The following FBXO40 variants were observed in gnomAD, a reference collection of about 807,000 sequenced individuals.
The protein encoded by FBXO40 is F-box protein 40.
FBXO40 carries 50 observed loss-of-function variants against 49.9 expected under a neutral mutation model. The observed-to-expected ratio is 1.00, with a 90% confidence interval of 0.80 to 1.27. The LOEUF (loss-of-function observed/expected upper bound fraction) is 1.27. FBXO40 is among the 50% of genes most tolerant of loss of function. The probability of loss-of-function intolerance (pLI) is 0.00; values close to 1 mark genes in which losing one functional copy is unlikely to be tolerated. For missense variants in FBXO40, 895 were observed against 870.1 expected, an observed-to-expected ratio of 1.03 and a Z score of -0.36; for synonymous variants, 340 against 320.2, an observed-to-expected ratio of 1.06 and a Z score of -0.66.
At chr3:121,595,203 A>G (rs1330175859) in intron 1 of FBXO40, among the ~76,000 whole-genome samples, 1 of 152,184 alleles carries the variant, frequency 6.6e-6, no homozygotes, top group Non-Finnish European at 1.5e-5. Flanking sequence ...AGACTCTGCT[A>G]TAGGTGTCTG....
intron 1 of FBXO40, among the ~76,000 whole-genome samples, chr3:121,618,386 GT>G (rs34900150): frequency 5.8e-4 from 70 of 120,226 alleles, no homozygotes; most frequent in Admixed American, 1.3e-3. Flanking sequence ...TTTCCTTCTT[GT>G]TTTTTTTTTT....
intron 1 of FBXO40, among the ~76,000 whole-genome samples, chr3:121,617,653 T>A (rs2108849761): frequency 6.6e-6 from 1 of 152,066 alleles, no homozygotes; most frequent in African/African-American, 2.4e-5. Context: ...TTCTAGTATT[T>A]GATAATACAG....
chr3:121,627,133 T>C lies in FBXO40; in HGVS notation c.*223T>C, dbSNP rs1427403181. 4.6e-5 allele frequency: 24 copies of C among 524,010 alleles called. No individual in the cohort carries two copies. The Admixed American group carries it at 7.7e-4, about 17-fold the overall frequency. 32.5% of individuals were successfully genotyped at this position (524,010 alleles called of 1,614,324 possible). On this transcript the variant is annotated 3_prime_UTR_variant, in exon 4 of 4. Coordinates refer to ENST00000338040, the MANE Select transcript of FBXO40 (RefSeq NM_016298.4). ...CACATTGATGACTTGTTTCCTTTTT[T>C]CTTTTCTTTTCTTTTCTTTTTTCTT...
At chr3:121,598,064 T>C (rs553717513) in intron 1 of FBXO40, among the ~76,000 whole-genome samples, 1 of 152,238 alleles carries the variant, frequency 6.6e-6, no homozygotes, top group Non-Finnish European at 1.5e-5. Flanking sequence ...TACTTTATAT[T>C]GGGGGTGTCA....
At chr3:121,623,368 T>C in intron 3 of FBXO40, 25 bp downstream of exon 3, 2 of 1,573,888 alleles carry the variant, frequency 1.3e-6, no homozygotes, top group African/African-American at 1.4e-5. Flanking sequence ...ATTTATTGAT[T>C]GACTCATTCA....
chr3:121,621,343 A>T, intron 2 of FBXO40, 90 bp from the exon 3 acceptor site: 2 of 1,175,894 alleles, frequency 1.7e-6, no homozygotes, highest in Non-Finnish European at 1.2e-6. Flanking sequence ...ATAAACAGGA[A>T]ATATGTCAAT....
Position 121,622,797 on chromosome 3 carries a change from C to T in FBXO40, c.1368C>T (p.His456=), listed in dbSNP as rs147462954. The T allele has an allele frequency of 1.9e-4, 305 of 1,614,072 alleles. No homozygotes were observed. The highest frequency in any genetic ancestry group is 2.3e-4 in the Non-Finnish European group (275 of 1,180,038). The change falls in exon 3 of 4, where the codon CAC becomes CAT. Residue 456 remains histidine, a synonymous_variant. Coordinates refer to ENST00000338040, the MANE Select transcript of FBXO40 (RefSeq NM_016298.4). ...CCGCTGCCACCCCAGGGGGACTCCACGTGGAGCTCCACAGCGAGTGTGTGA... is the reference window on the plus strand; with the variant it reads ...CCGCTGCCACCCCAGGGGGACTCCATGTGGAGCTCCACAGCGAGTGTGTGA... The part of the protein sequence containing the change: ...DLTAATPGGL[H]VELHSECVTR...
At chr3:121,613,177 G>A (rs2048977200) in intron 1 of FBXO40, among the ~76,000 whole-genome samples, 1 of 151,988 alleles carries the variant, frequency 6.6e-6, no homozygotes, top group Admixed American at 6.6e-5. Context: ...TAGGTACTGC[G>A]TTCTCCACCA....
In FBXO40 at chr3:121,622,064, T is replaced by C. The variant is rs1295165848; in HGVS notation, c.635T>C (p.Leu212Pro). 6.2e-7 allele frequency: 1 copy of C among 1,614,202 alleles called. No homozygotes were observed. The highest frequency in any genetic ancestry group is 8.5e-7 in the Non-Finnish European group (1 of 1,180,032). The change falls in exon 3 of 4, where the codon CTG (leucine) becomes CCG (proline). Residue 212 changes from leucine to proline, a missense_variant. By Grantham distance (98) the Leu-to-Pro change is moderately conservative (BLOSUM62 -3). Coordinates refer to ENST00000338040, the MANE Select transcript of FBXO40 (RefSeq NM_016298.4). ...GCCAAAACCAAAGAAGGGATGGACC[T>C]GGTCAAGTTTGGCCAGTGGGAAAAT... ...VLAKTKEGMD[L>P]VKFGQWENIF...
intron 1 of FBXO40, among the ~76,000 whole-genome samples, chr3:121,612,458 C>A (rs546957173): frequency 3.5e-4 from 54 of 152,200 alleles, no homozygotes; most frequent in African/African-American, 1.2e-3. Context: ...GACTTTGTTC[C>A]TCCGGAGCAC....
intron 1 of FBXO40, among the ~76,000 whole-genome samples, chr3:121,610,732 C>T (rs1156434433): frequency 6.6e-6 from 1 of 152,124 alleles, no homozygotes; most frequent in Non-Finnish European, 1.5e-5. Flanking sequence ...CTCCGCCTCC[C>T]AGATTCAGGT....
chr3:121,627,231 T>A lies in FBXO40; in HGVS notation c.*321T>A, dbSNP rs771320780. ...CATTTGGAAGATGGGCCCAATTTCT[T>A]AAGTGATGAGAGAGCACGAAATTCC... On this transcript the variant is annotated 3_prime_UTR_variant, in exon 4 of 4. Transcript: ENST00000338040. 2 of 343,274 alleles carry A rather than the reference T, an allele frequency of 5.8e-6. No individual in the cohort carries two copies. The highest frequency in any genetic ancestry group is 1.1e-5 in the Non-Finnish European group (2 of 182,922). The allele number at this position is 343,274 out of a possible 1,614,324, so 21.3% of individuals were successfully genotyped here. A position where few individuals can be genotyped will look rare whatever the true frequency, so the allele number is the denominator to read the frequency against.
rs538636718 is a variant in FBXO40 at position 121,619,946 on chromosome 3, A to G, written c.-30-600A>G. On this transcript the variant is annotated intron_variant, in intron 1 of 3. Transcript: ENST00000338040. ...TGAGAAATTTCATTTCCCTGAAGAC[A>G]GGGCATTTTCTCTTTCACTTGCCAG... Among the ~76,000 whole-genome samples the G allele has an allele frequency of 2.6e-5, 4 of 152,372 alleles. No individual in the cohort carries two copies. In the East Asian group the frequency reaches 7.7e-4, roughly 29 times the overall value.
At chr3:121,618,455 C>G in intron 1 of FBXO40, among the ~76,000 whole-genome samples, 1 of 141,236 alleles carries the variant, frequency 7.1e-6, no homozygotes, top group Non-Finnish European at 1.5e-5. Context: ...GGCGTGATCT[C>G]GATTCACTGC....
chr3:121,609,319 T>C (rs1000336603), intron 1 of FBXO40, among the ~76,000 whole-genome samples: 1 of 151,928 alleles, frequency 6.6e-6, no homozygotes, highest in East Asian at 1.9e-4. Context: ...CTATATCCAG[T>C]AGTTCCTAGG....
At chr3:121,603,933 C>T (rs962517164) in intron 1 of FBXO40, among the ~76,000 whole-genome samples, 4 of 152,190 alleles carry the variant, frequency 2.6e-5, no homozygotes, top group South Asian at 2.1e-4. Context: ...TTAGCCAGGA[C>T]GGTCTCGATC....
chr3:121,600,886 C>T (rs1211115914), intron 1 of FBXO40, among the ~76,000 whole-genome samples: 1 of 152,222 alleles, frequency 6.6e-6, no homozygotes, highest in Non-Finnish European at 1.5e-5. Flanking sequence ...AGGAAAGTCA[C>T]ACAAACCCCA....
Position 121,623,126 on chromosome 3 carries a change from G to A in FBXO40, c.1697G>A (p.Gly566Glu). Residue 566 changes from glycine to glutamate, a missense_variant, in exon 3 of 4, where the codon GGA becomes GAA. Transcript: ENST00000338040. ...GRKNNHLLGH[G>E]GKSQNSLTSL... ...AAGAACAACCATCTTTTGGGTCATGGAGGAAAAAGCCAGAATTCTTTAACC... is the reference window on the plus strand; with the variant it reads ...AAGAACAACCATCTTTTGGGTCATGAAGGAAAAAGCCAGAATTCTTTAACC... 1 of 1,614,204 alleles carries A rather than the reference G, an allele frequency of 6.2e-7. No homozygotes were observed. The highest frequency in any genetic ancestry group is 1.3e-5 in the African/African-American group (1 of 75,052).
intron 1 of FBXO40, among the ~76,000 whole-genome samples, chr3:121,606,157 C>G (rs2048931183): frequency 1.3e-5 from 2 of 152,226 alleles, no homozygotes; most frequent in Admixed American, 1.3e-4. Context: ...CAAGCTTATC[C>G]AGAGCATCAC....
Sources: allele counts gnomAD v4.1 joint callset (sites outside exome capture counted in the v4.1 genomes callset), GRCh38; gene constraint gnomAD v4.1.1; transcripts MANE v1.5; gene names NCBI Gene and HGNC (gene_info 2026-07-23, HGNC 2026-07-21).